The following HDAC9 variants were observed in gnomAD, a reference collection of about 807,000 sequenced individuals.
HDAC9 encodes the protein histone deacetylase 9, also known as MEF-2 interacting transcription repressor (MITR) protein.
HDAC9 carries 41 observed loss-of-function variants against 139.4 expected under a neutral mutation model. That is an observed-to-expected ratio of 0.29 (90% CI 0.23 to 0.38). HDAC9 has a LOEUF of 0.38. Among genes scored for constraint, HDAC9 ranks in the 10% least tolerant of loss-of-function variants. HDAC9 has a pLI of 1.00. For missense variants in HDAC9, 1,147 were observed against 1,297.0 expected, an observed-to-expected ratio of 0.88 and a Z score of 1.78; for synonymous variants, 517 against 476.2, an observed-to-expected ratio of 1.09 and a Z score of -1.12.
intron 22 of HDAC9, among the ~76,000 whole-genome samples, chr7:18,923,956 G>T (rs1803985324): frequency 6.6e-6 from 1 of 151,622 alleles, no homozygotes; most frequent in Non-Finnish European, 1.5e-5. Flanking sequence ...ATGGCAGGTG[G>T]GAATAGACTT....
At chr7:18,920,512 C>T (rs1803603573) in intron 22 of HDAC9, among the ~76,000 whole-genome samples, 1 of 152,090 alleles carries the variant, frequency 6.6e-6, no homozygotes, top group African/African-American at 2.4e-5. Context: ...TTGCCCTGAC[C>T]AGAACTTCCA....
chr7:18,674,951 CTT>C (rs1781407260), intron 12 of HDAC9, among the ~76,000 whole-genome samples: 1 of 151,904 alleles, frequency 6.6e-6, no homozygotes, highest in African/African-American at 2.4e-5. Flanking sequence ...TTGACTATGA[CTT>C]CTAATATCTA....
intron 1 of HDAC9, among the ~76,000 whole-genome samples, chr7:18,358,198 C>G (rs1020315778): frequency 1.3e-5 from 2 of 151,952 alleles, no homozygotes; most frequent in African/African-American, 4.8e-5. Context: ...AAAAACAAAG[C>G]AAAACAAAAC....
At chr7:18,275,869 T>C (rs1796686776) in intron 2 of HDAC9, among the ~76,000 whole-genome samples, 1 of 152,222 alleles carries the variant, frequency 6.6e-6, no homozygotes, top group Non-Finnish European at 1.5e-5. Flanking sequence ...CATTTACCTC[T>C]GTTTAGTGTA....
At chr7:18,188,419 C>T (rs1458889262) in intron 2 of HDAC9, among the ~76,000 whole-genome samples, 3 of 152,162 alleles carry the variant, frequency 2.0e-5, no homozygotes, top group Non-Finnish European at 4.4e-5. Flanking sequence ...TAGGCAGTTT[C>T]ATTCAGGACG....
intron 22 of HDAC9, among the ~76,000 whole-genome samples, chr7:18,881,049 G>C (rs1799702671): frequency 6.6e-6 from 1 of 151,968 alleles, no homozygotes; most frequent in African/African-American, 2.4e-5. Flanking sequence ...GAAGTACAAA[G>C]ATTCCTTGTT....
upstream of HDAC9, among the ~76,000 whole-genome samples, chr7:18,493,533 CCTT>C (rs989442316): frequency 6.6e-5 from 10 of 151,816 alleles, no homozygotes; most frequent in Non-Finnish European, 1.3e-4. Flanking sequence ...AATCAAGCCT[CCTT>C]CGTTTCCTCA....
At chr7:18,167,407 T>C (rs1788082934) in intron 2 of HDAC9, among the ~76,000 whole-genome samples, 1 of 152,226 alleles carries the variant, frequency 6.6e-6, no homozygotes, top group Non-Finnish European at 1.5e-5. Flanking sequence ...TGAACATTTA[T>C]TTGTTTTTAT....
chr7:18,951,072 C>T (rs1272784604), intron 23 of HDAC9, among the ~76,000 whole-genome samples: 34 of 152,058 alleles, frequency 2.2e-4, no homozygotes, highest in Non-Finnish European at 1.5e-4. Context: ...AAATCTTACT[C>T]AACAGCTTCT....
chr7:18,597,105 G>A (rs1023588077), intron 6 of HDAC9, among the ~76,000 whole-genome samples: 5 of 152,024 alleles, frequency 3.3e-5, no homozygotes, highest in African/African-American at 1.2e-4. Flanking sequence ...CTTCCCCTTA[G>A]GAGAATGATA....
At chr7:18,984,783 G>A (rs373551005) in intron 25 of HDAC9, among the ~76,000 whole-genome samples, 33 of 152,126 alleles carry the variant, frequency 2.2e-4, no homozygotes, top group African/African-American at 6.8e-4. Flanking sequence ...ATTAAGAGGC[G>A]AACATGGACA....
chr7:18,525,739 A>G (rs914430508), intron 2 of HDAC9, among the ~76,000 whole-genome samples: 3 of 152,188 alleles, frequency 2.0e-5, no homozygotes, highest in African/African-American at 7.2e-5. Flanking sequence ...TGTTGCCTGT[A>G]CAACTAAGTC....
intron 13 of HDAC9, among the ~76,000 whole-genome samples, chr7:18,736,053 A>G (rs1021077206): frequency 1.3e-5 from 2 of 152,234 alleles, no homozygotes; most frequent in Admixed American, 6.5e-5. Context: ...ATTGGTATAC[A>G]GGAATGCTTG....
intron 22 of HDAC9, among the ~76,000 whole-genome samples, chr7:18,932,148 C>A (rs990955712): frequency 7.2e-5 from 11 of 152,174 alleles, no homozygotes; most frequent in African/African-American, 2.6e-4. Context: ...AAAATAAAAT[C>A]TATGAATTAT....
chr7:18,549,781 C>T (rs1397509725), intron 2 of HDAC9, among the ~76,000 whole-genome samples: 2 of 150,990 alleles, frequency 1.3e-5, no homozygotes, highest in Admixed American at 1.3e-4. Flanking sequence ...TTTATGCACA[C>T]GCACACCCAC....
chr7:18,471,396 C>T (rs1481237560), intron 1 of HDAC9, among the ~76,000 whole-genome samples: 1 of 152,132 alleles, frequency 6.6e-6, no homozygotes, highest in Non-Finnish European at 1.5e-5. Flanking sequence ...TCCAATATTC[C>T]ACCTGTTTGC....
intron 1 of HDAC9, among the ~76,000 whole-genome samples, chr7:18,451,248 C>T (rs530829587): frequency 2.2e-4 from 34 of 152,110 alleles, no homozygotes; most frequent in African/African-American, 7.9e-4. Context: ...GCTAGCCCCT[C>T]GATTCTGGAC....
At chr7:18,227,986 A>G (rs547211593) in intron 2 of HDAC9, among the ~76,000 whole-genome samples, 12 of 152,280 alleles carry the variant, frequency 7.9e-5, no homozygotes, top group Admixed American at 5.9e-4. Flanking sequence ...TTTAGTCTAT[A>G]TATGCTGAAA....
intron 22 of HDAC9, among the ~76,000 whole-genome samples, chr7:18,888,999 C>A (rs1185023492): frequency 4.6e-5 from 7 of 152,188 alleles, no homozygotes; most frequent in African/African-American, 1.7e-4. Context: ...TTTTACCAAA[C>A]AATTGACTAT....
Sources: allele counts gnomAD v4.1 joint callset (sites outside exome capture counted in the v4.1 genomes callset), GRCh38; gene constraint gnomAD v4.1.1; transcripts MANE v1.5; gene names NCBI Gene and HGNC (gene_info 2026-07-23, HGNC 2026-07-21).